The following DEPDC1B variants were observed in gnomAD, a reference collection of about 807,000 sequenced individuals.
DEPDC1B encodes the protein DEP domain containing 1B.
In DEPDC1B, 51 loss-of-function variants were observed where a neutral mutation model predicts 66.5. That is an observed-to-expected ratio of 0.77 (90% CI 0.61 to 0.97). DEPDC1B has a LOEUF of 0.97. Ranked by LOEUF, DEPDC1B falls within the 50% of genes least tolerant of loss-of-function variation. The pLI is 0.00. For synonymous variants in DEPDC1B, 226 were observed against 223.6 expected (o/e 1.01, Z -0.10); for missense variants, 552 against 637.1 (o/e 0.87, Z 1.44).
chr5:60,654,271 T>C lies in DEPDC1B; in HGVS notation c.315-6738A>G, dbSNP rs570580831. Among the ~76,000 whole-genome samples, 107 of 149,374 alleles carry C rather than the reference T, an allele frequency of 7.2e-4. 14 individuals are homozygous for C. Among genetic ancestry groups the C allele is most frequent in the African/African-American group, 2.7e-3 (106 of 39,694 alleles). ...GTGTTCCATTTGTTTGTGTCATCTATGATTTCTTTCAGCAGTGTTTTGTAG... is the reference window on the plus strand; with the variant it reads ...GTGTTCCATTTGTTTGTGTCATCTACGATTTCTTTCAGCAGTGTTTTGTAG... On this transcript the variant is annotated intron_variant, in intron 2 of 10. Coordinates refer to ENST00000265036, the MANE Select transcript of DEPDC1B (RefSeq NM_018369.3).
In DEPDC1B at chr5:60,647,516, G is replaced by A. The variant is rs755892411; in HGVS notation, c.332C>T (p.Pro111Leu). The A allele has an allele frequency of 1.6e-5, 25 of 1,610,688 alleles. No individual in the cohort carries two copies. The highest frequency in any genetic ancestry group is 2.0e-5 in the Non-Finnish European group (24 of 1,179,090). The change falls in exon 3 of 11, where the codon CCC (proline) becomes CTC (leucine). Residue 111 changes from proline to leucine, a missense_variant. By Grantham distance (98) the Pro-to-Leu change is moderately conservative. Coordinates refer to ENST00000265036, the MANE Select transcript of DEPDC1B (RefSeq NM_018369.3). ...RHLYRFPPSS[P>L]LKPYPKKPPN... is the part of the protein sequence containing the mutation. ...GGGCTTCTTTGGATATGGTTTCAGG[G>A]GTGAAGAAGGAGGAAATCTAAAACC... is the stretch of plus-strand genomic sequence containing the variant.
chr5:60,685,205 T>TGCAACG (rs1483411219), intron 2 of DEPDC1B, among the ~76,000 whole-genome samples: 1 of 152,204 alleles, frequency 6.6e-6, no homozygotes, highest in Non-Finnish European at 1.5e-5. Context: ...CCTGCATGTA[T>TGCAACG]GCAACGGCCG....
chr5:60,619,949 C>T (rs566832097), intron 7 of DEPDC1B, among the ~76,000 whole-genome samples: 2,773 of 152,152 alleles, frequency 0.018, 100 homozygotes, highest in African/African-American at 0.064. Flanking sequence ...GAGATATAGA[C>T]CAATGGAACA....
Position 60,652,043 on chromosome 5 carries a change from C to T in DEPDC1B, c.315-4510G>A, listed in dbSNP as rs1342368810. Reference sequence around the variant, plus strand: ...TGGGAAACAAAGCCTCCAACAGCAGCTGAGAGCAAGCACTTTGAGGGAGGG... The same window carrying T: ...TGGGAAACAAAGCCTCCAACAGCAGTTGAGAGCAAGCACTTTGAGGGAGGG... On this transcript the variant is annotated intron_variant, in intron 2 of 10. Transcript: ENST00000265036. 3.0e-5 allele frequency among the ~76,000 whole-genome samples: 4 copies of T among 132,938 alleles called. 1 individual carries two copies. Among genetic ancestry groups the T allele is most frequent in the Admixed American group, 2.2e-4 (3 of 13,548 alleles). 87.2% of individuals were successfully genotyped at this position (132,938 alleles called of 152,430 possible).
intron 7 of DEPDC1B, 97 bp downstream of exon 7, chr5:60,638,653 T>G: frequency 8.0e-7 from 1 of 1,245,244 alleles, no homozygotes; most frequent in Non-Finnish European, 1.1e-6. Context: ...ATTTTTAAAA[T>G]GGCATGAGTT....
chr5:60,670,603 T>C (rs764189912), intron 2 of DEPDC1B, among the ~76,000 whole-genome samples: 2 of 152,182 alleles, frequency 1.3e-5, no homozygotes, highest in Non-Finnish European at 2.9e-5. Flanking sequence ...CATTACCTGA[T>C]TTCAATGGAG....
chr5:60,668,211 ATATATATATAAAATGGATATTT>A (rs1753942010), intron 2 of DEPDC1B, among the ~76,000 whole-genome samples: 4 of 68,654 alleles, frequency 5.8e-5, no homozygotes, highest in African/African-American at 2.2e-4. Flanking sequence ...GATATTTTAT[ATATATATATAAAATGGATATTT>A]TATATATATA....
chr5:60,677,432 C>T (rs1754194093), intron 2 of DEPDC1B, among the ~76,000 whole-genome samples: 1 of 151,724 alleles, frequency 6.6e-6, no homozygotes, highest in African/African-American at 2.4e-5. Flanking sequence ...TTCACTGCCA[C>T]GGATTGGAAA....
chr5:60,652,397 C>A (rs1159182592), intron 2 of DEPDC1B, among the ~76,000 whole-genome samples: 1 of 148,760 alleles, frequency 6.7e-6, no homozygotes, highest in Non-Finnish European at 1.5e-5. Flanking sequence ...TAGGAAGAGT[C>A]CAGTCACAGC....
Position 60,638,808 on chromosome 5 carries a change from A to AC in DEPDC1B, c.839dup (p.His281SerfsTer13). On this transcript the variant is annotated frameshift_variant, in exon 7 of 11. Coordinates refer to ENST00000265036, the MANE Select transcript of DEPDC1B (RefSeq NM_018369.3). LOFTEE classifies it high-confidence loss of function. Reference sequence around the variant, plus strand: ...ATGTAAGTAGAGGCTCTTTCAAGTGACCATAGTAATCAGCTATGGTTTTAA... The same window carrying AC: ...ATGTAAGTAGAGGCTCTTTCAAGTGACCCATAGTAATCAGCTATGGTTTTAA... 1 of 1,613,144 alleles carries AC rather than the reference A, an allele frequency of 6.2e-7. No homozygotes were observed. Among genetic ancestry groups the AC allele is most frequent in the Middle Eastern group, 1.7e-4 (1 of 6,054 alleles).
chr5:60,603,816 T>C (rs1291727313), intron 8 of DEPDC1B, among the ~76,000 whole-genome samples: 3 of 120,276 alleles, frequency 2.5e-5, no homozygotes, highest in African/African-American at 3.5e-5. Context: ...TTTACACGAT[T>C]TTAAATATAC....
chr5:60,655,922 C>T (rs1753564246), intron 2 of DEPDC1B, among the ~76,000 whole-genome samples: 1 of 148,840 alleles, frequency 6.7e-6, no homozygotes, highest in Non-Finnish European at 1.5e-5. Flanking sequence ...CTTTGCATGG[C>T]TTTGAGGGTT....
chr5:60,660,046 G>A (rs1021832284), intron 2 of DEPDC1B, among the ~76,000 whole-genome samples: 5 of 152,130 alleles, frequency 3.3e-5, no homozygotes, highest in African/African-American at 9.7e-5. Context: ...AAAATGAATT[G>A]AGTAAATTAC....
intron 1 of DEPDC1B, among the ~76,000 whole-genome samples, chr5:60,691,997 A>T (rs137945266): frequency 6.6e-6 from 1 of 152,356 alleles, no homozygotes; most frequent in Non-Finnish European, 1.5e-5. Flanking sequence ...AATACTATTC[A>T]GCCTTTAAAA....
intron 2 of DEPDC1B, among the ~76,000 whole-genome samples, chr5:60,671,178 A>G (rs1460675739): frequency 6.6e-6 from 1 of 152,204 alleles, no homozygotes; most frequent in African/African-American, 2.4e-5. Context: ...GGGATTGAGG[A>G]TGAAGAGTCA....
intron 2 of DEPDC1B, among the ~76,000 whole-genome samples, chr5:60,664,327 G>T (rs1398970624): frequency 1.3e-5 from 2 of 152,194 alleles, no homozygotes; most frequent in Admixed American, 6.5e-5. Context: ...AGCAGTCTTA[G>T]TATCTAAAGC....
intron 2 of DEPDC1B, among the ~76,000 whole-genome samples, chr5:60,670,165 G>A (rs1029069416): frequency 2.8e-4 from 43 of 152,150 alleles, no homozygotes; most frequent in African/African-American, 1.0e-3. Flanking sequence ...CGGGCAGATC[G>A]CGAGGTCAGG....
intron 7 of DEPDC1B, among the ~76,000 whole-genome samples, chr5:60,625,010 C>T (rs1298221114): frequency 6.7e-6 from 1 of 149,216 alleles, no homozygotes; most frequent in Non-Finnish European, 1.5e-5. Context: ...GTTTTCTGTT[C>T]TTGTGATAGT....
chr5:60,676,482 T>C (rs902294637), intron 2 of DEPDC1B, among the ~76,000 whole-genome samples: 2 of 152,128 alleles, frequency 1.3e-5, no homozygotes, highest in Non-Finnish European at 2.9e-5. Context: ...TAATAACTTC[T>C]CCTTTTGAAA....
Sources: allele counts gnomAD v4.1 joint callset (sites outside exome capture counted in the v4.1 genomes callset), GRCh38; gene constraint gnomAD v4.1.1; transcripts MANE v1.5; gene names NCBI Gene and HGNC (gene_info 2026-07-23, HGNC 2026-07-21).